PIGK: variants seen among roughly 807,000 people sequenced by gnomAD.
PIGK encodes the protein phosphatidylinositol glycan anchor biosynthesis class K, also known as GPI-anchor transamidase.
A neutral mutation model predicts 50.6 loss-of-function variants in PIGK; 42 were observed. That is an observed-to-expected ratio of 0.83 (90% CI 0.65 to 1.07). The LOEUF (loss-of-function observed/expected upper bound fraction) is 1.07. Ranked by LOEUF, PIGK falls within the 50% of genes least tolerant of loss-of-function variation. The pLI is 0.00. For missense variants in PIGK, 448 were observed against 488.7 expected (o/e 0.92, Z 0.78); for synonymous variants, 151 against 156.0 (o/e 0.97, Z 0.24).
intron 8 of PIGK, among the ~76,000 whole-genome samples, chr1:77,158,400 T>A (rs949524624): frequency 6.6e-6 from 1 of 151,992 alleles, no homozygotes; most frequent in African/African-American, 2.4e-5. Context: ...ATACAGTAAA[T>A]TGGTACCAGC....
intron 3 of PIGK, among the ~76,000 whole-genome samples, chr1:77,185,861 C>T (rs1557817714): frequency 2.6e-5 from 4 of 152,218 alleles, no homozygotes. Context: ...AAGGCCCTGC[C>T]ATCTTCTGCA....
At position 77,176,349 on chromosome 1, in the gene PIGK, T is replaced by C. The variant is rs184445455; in HGVS notation, c.240-6954A>G. 9.2e-5 allele frequency among the ~76,000 whole-genome samples: 14 copies of C among 152,318 alleles called. No homozygotes were observed. The East Asian group carries it at 2.7e-3, about 29-fold the overall frequency. On this transcript the variant is annotated intron_variant, in intron 3 of 10. Coordinates refer to ENST00000370812, the MANE Select transcript of PIGK (RefSeq NM_005482.3). ...ATTTGACATGTTATTTGGGAAGCAC[T>C]GTAAAAATAAAAAATAATGCTTAAC...
chr1:77,101,327 AATTTCAC>A (rs1403510194), intron 10 of PIGK, among the ~76,000 whole-genome samples: 1 of 152,096 alleles, frequency 6.6e-6, no homozygotes, highest in Non-Finnish European at 1.5e-5. Flanking sequence ...ACCTACCTCA[AATTTCAC>A]CTCCAGGTTA....
At chr1:77,187,622 G>C (rs1224694224) in intron 3 of PIGK, among the ~76,000 whole-genome samples, 1 of 152,138 alleles carries the variant, frequency 6.6e-6, no homozygotes, top group African/African-American at 2.4e-5. Flanking sequence ...CCACAACAGA[G>C]GTAAGGAAGA....
At chr1:77,154,704 T>C (rs530413457) in intron 8 of PIGK, 83 bp from the exon 9 acceptor site, 29 of 882,118 alleles carry the variant, frequency 3.3e-5, no homozygotes, top group South Asian at 2.5e-4. Context: ...CACTAAACTA[T>C]AGTGTATTTT....
rs1361428737 is a variant in PIGK at position 77,118,684 on chromosome 1, C to A, written c.1071+3591G>T. ...TATGATGCAAGAACATAGTATCCCC[C>A]TCCAGTAGTTAATCAACTCTCTCAG... On this transcript the variant is annotated intron_variant, in intron 10 of 10. Transcript: ENST00000370812. Among the ~76,000 whole-genome samples the A allele has an allele frequency of 3.9e-5, 6 of 152,182 alleles. No homozygotes were observed. The East Asian group carries it at 1.2e-3, about 29-fold the overall frequency.
rs1653272817 is a variant in PIGK, at chr1:77,090,541, A to G, written c.*1833T>C. 1 of 152,206 alleles carries G rather than the reference A, an allele frequency of 6.6e-6. No individual in the cohort carries two copies. 9.4% of individuals were successfully genotyped at this position (152,206 alleles called of 1,614,324 possible). On this transcript the variant is annotated 3_prime_UTR_variant, in exon 11 of 11. Transcript: ENST00000370812. The stretch of plus-strand genomic sequence containing the variant: ...GAAGGGCACCTTCTACAACCTCTGA[A>G]GACGAATCCTTTTACTTTCTAGCAG...
intron 10 of PIGK, among the ~76,000 whole-genome samples, chr1:77,111,051 A>C (rs1653828729): frequency 6.6e-6 from 1 of 152,194 alleles, no homozygotes; most frequent in African/African-American, 2.4e-5. Context: ...TCAAAACCAC[A>C]ATGAGATACC....
At chr1:77,093,296 G>A (rs545670951) in intron 10 of PIGK, among the ~76,000 whole-genome samples, 10 of 151,976 alleles carry the variant, frequency 6.6e-5, no homozygotes, top group South Asian at 2.1e-4. Flanking sequence ...CAAGTGTCAC[G>A]TATGCTTTTT....
In PIGK at chr1:77,150,456, G is replaced by C. The variant is rs750034844; in HGVS notation, c.986+3993C>G. ...GGATCGCTTGAGCCCAGGAGTTCCA[G>C]ACTAGCTTGAGCAACAGAGCAAGAC... On this transcript the variant is annotated intron_variant, in intron 9 of 10. Transcript: ENST00000370812. Among the ~76,000 whole-genome samples, 68 of 143,482 alleles carry C rather than the reference G, an allele frequency of 4.7e-4. 1 individual carries two copies. The highest frequency in any genetic ancestry group is 8.0e-4 in the Non-Finnish European group (53 of 66,494). 94.1% of individuals were successfully genotyped at this position (143,482 alleles called of 152,430 possible).
rs1019701498 is a variant in PIGK at position 77,185,988 on chromosome 1, C to T, written c.240-16593G>A. On this transcript the variant is annotated intron_variant, in intron 3 of 10. Transcript: ENST00000370812. Reference sequence around the variant, plus strand: ...TGCGACCTGAACCGCCTATCATGAACTGGGTGCTTTCTGACCCATCCAGCC... The same window carrying T: ...TGCGACCTGAACCGCCTATCATGAATTGGGTGCTTTCTGACCCATCCAGCC... Among the ~76,000 whole-genome samples the T allele has an allele frequency of 3.3e-5, 5 of 152,218 alleles. No homozygotes were observed. In the South Asian group the frequency reaches 6.2e-4, roughly 19 times the overall value.
chr1:77,217,999 T>C (rs1260089816), intron 1 of PIGK, among the ~76,000 whole-genome samples: 1 of 152,208 alleles, frequency 6.6e-6, no homozygotes, highest in Admixed American at 6.5e-5. Context: ...TCTCTAAAAA[T>C]TATGCTATAT....
At position 77,128,103 on chromosome 1, in the gene PIGK, G is replaced by C. The variant is rs540960223; in HGVS notation, c.987-5744C>G. Among the ~76,000 whole-genome samples the C allele has an allele frequency of 6.6e-5, 10 of 152,258 alleles. No homozygotes were observed. The South Asian group carries it at 2.1e-3, about 32-fold the overall frequency. ...TATTTTTGTGAAAACAGATTATACA[G>C]CAATGAGAAAACAATTTAATACATT... On this transcript the variant is annotated intron_variant, in intron 9 of 10. Transcript: ENST00000370812.
intron 9 of PIGK, 57 bp from the exon 10 acceptor site, chr1:77,122,416 C>T: frequency 1.1e-6 from 1 of 896,020 alleles, no homozygotes. Context: ...TGAAATATAG[C>T]AAATATTTAA....
At chr1:77,123,367 A>G (rs1170761089) in intron 9 of PIGK, among the ~76,000 whole-genome samples, 1 of 152,174 alleles carries the variant, frequency 6.6e-6, no homozygotes, top group African/African-American at 2.4e-5. Flanking sequence ...CTAGGGCTTC[A>G]GTTAAGGAAT....
At chr1:77,143,373 A>T (rs1654698931) in intron 9 of PIGK, among the ~76,000 whole-genome samples, 1 of 152,114 alleles carries the variant, frequency 6.6e-6, no homozygotes. Context: ...TTTAAAGCCT[A>T]CACTTACATA....
chr1:77,171,218 C>T (rs1057124261), intron 3 of PIGK, among the ~76,000 whole-genome samples: 4 of 151,658 alleles, frequency 2.6e-5, no homozygotes, highest in Admixed American at 2.6e-4. Context: ...GGGCGGATCA[C>T]GAGGTCAGGA....
intron 10 of PIGK, among the ~76,000 whole-genome samples, chr1:77,115,768 T>C (rs549551863): frequency 2.6e-5 from 4 of 152,304 alleles, no homozygotes; most frequent in South Asian, 2.1e-4. Flanking sequence ...ACTAAATCTG[T>C]AATGGATACA....
chr1:77,218,689 C>T (rs868031505), intron 1 of PIGK, among the ~76,000 whole-genome samples: 8 of 151,980 alleles, frequency 5.3e-5, no homozygotes, highest in African/African-American at 1.9e-4. Flanking sequence ...GATTGTAGAC[C>T]GGGACTGAGG....
Sources: gnomAD v4.1 joint callset for allele counts (sites outside exome capture counted in the v4.1 genomes callset) on GRCh38, gnomAD v4.1.1 for gene constraint, MANE v1.5 for transcripts, NCBI Gene and HGNC (gene_info 2026-07-23, HGNC 2026-07-21) for gene names.